TAF4B: variants seen among roughly 807,000 people sequenced by gnomAD.
TAF4B encodes TATA-box binding protein associated factor 4b.
In TAF4B, 38 loss-of-function variants were observed where a neutral mutation model predicts 86.4. The ratio of observed to expected loss-of-function variants is 0.44; its 90% CI spans 0.34 to 0.58. The LOEUF is 0.58. Ranked by LOEUF, TAF4B falls within the 20% of genes least tolerant of loss-of-function variation. TAF4B has a pLI of 0.02. For synonymous variants in TAF4B, 388 were observed against 391.2 expected (o/e 0.99, Z 0.10); for missense variants, 988 against 1,027.6 (o/e 0.96, Z 0.53).
intron 14 of TAF4B, among the ~76,000 whole-genome samples, chr18:26,383,983 C>G (rs1978308199): frequency 6.6e-6 from 1 of 152,144 alleles, no homozygotes; most frequent in African/African-American, 2.4e-5. Flanking sequence ...GTTCTTGTTA[C>G]ACTGGGTCAG....
intron 12 of TAF4B, among the ~76,000 whole-genome samples, chr18:26,329,206 C>T (rs1293652872): frequency 6.6e-6 from 1 of 151,992 alleles, no homozygotes; most frequent in African/African-American, 2.4e-5. Flanking sequence ...TACACGCACA[C>T]ACCACTACGC....
intron 3 of TAF4B, among the ~76,000 whole-genome samples, chr18:26,270,507 G>T (rs2056299176): frequency 6.6e-6 from 1 of 152,070 alleles, no homozygotes. Context: ...TAGAGATGAG[G>T]TCTTACTCTG....
intron 1 of TAF4B, among the ~76,000 whole-genome samples, chr18:26,255,419 C>T (rs1041158303): frequency 1.3e-5 from 2 of 151,840 alleles, no homozygotes; most frequent in African/African-American, 2.4e-5. Context: ...GCCTGGCCAA[C>T]GTGGTGAAAC....
At chr18:26,227,480 A>G (rs1248680462) in intron 1 of TAF4B, among the ~76,000 whole-genome samples, 1 of 152,210 alleles carries the variant, frequency 6.6e-6, no homozygotes, top group African/African-American at 2.4e-5. Context: ...CCTAAGTGAT[A>G]CAGTAAAAAG....
At position 26,226,780 on chromosome 18, in the gene TAF4B, GCCCGTCACTGACTTCGCTGCTGCGGCC is replaced by G. The variant is rs1490975165; in HGVS notation, c.-149_-123del. 3.7e-6 allele frequency: 2 copies of G among 534,196 alleles called. No homozygotes were observed. Among genetic ancestry groups the G allele is most frequent in the Non-Finnish European group, 6.0e-6 (2 of 333,626 alleles). 33.1% of individuals were successfully genotyped at this position (534,196 alleles called of 1,614,324 possible). On this transcript the variant is annotated 5_prime_UTR_variant, in exon 1 of 15. Coordinates refer to ENST00000269142, the MANE Select transcript of TAF4B (RefSeq NM_005640.3). ...GCGCGTGTCCTGCCGTGCAGCGGGC[GCCCGTCACTGACTTCGCTGCTGCGGCC>G]CCCGCGCCTCTCCCCAGCGATGCTG...
intron 9 of TAF4B, among the ~76,000 whole-genome samples, chr18:26,309,235 A>G (rs1417734128): frequency 1.4e-5 from 2 of 141,836 alleles, no homozygotes; most frequent in East Asian, 4.3e-4. Flanking sequence ...TAGGGAAAAA[A>G]CCTGACAGTA....
At chr18:26,289,001 A>G (rs1274923297) in intron 7 of TAF4B, among the ~76,000 whole-genome samples, 1 of 152,138 alleles carries the variant, frequency 6.6e-6, no homozygotes, top group Admixed American at 6.5e-5. Flanking sequence ...ATTTACACCT[A>G]CCTGTTTAAA....
intron 9 of TAF4B, 64 bp from the exon 10 acceptor site, chr18:26,315,143 TCTGTCTCTCTCTCTCTCTCACA>T: frequency 3.4e-6 from 1 of 293,676 alleles, no homozygotes. Context: ...TCTCTCTCTC[TCTGTCTCTCTCTCTCTCTCACA>T]CACACACACA....
chr18:26,281,358 C>G (rs950268312), intron 5 of TAF4B, among the ~76,000 whole-genome samples: 2 of 152,112 alleles, frequency 1.3e-5, no homozygotes, highest in Admixed American at 1.3e-4. Flanking sequence ...TTCTCTGTCA[C>G]CGCACAATTA....
At chr18:26,230,502 C>T (rs1026449975) in intron 1 of TAF4B, among the ~76,000 whole-genome samples, 10 of 152,114 alleles carry the variant, frequency 6.6e-5, no homozygotes, top group African/African-American at 2.4e-4. Flanking sequence ...CAGTGTTCAC[C>T]ATACACCATC....
intron 1 of TAF4B, among the ~76,000 whole-genome samples, chr18:26,262,066 T>A (rs888726282): frequency 1.3e-5 from 2 of 152,142 alleles, no homozygotes; most frequent in Non-Finnish European, 2.9e-5. Context: ...GGTGAGACAC[T>A]TGAGGTCCAA....
At chr18:26,359,019 G>T (rs570854207) in intron 14 of TAF4B, among the ~76,000 whole-genome samples, 6 of 152,252 alleles carry the variant, frequency 3.9e-5, no homozygotes, top group African/African-American at 1.2e-4. Flanking sequence ...CCAACCAGAT[G>T]TAACCACTGT....
At position 26,315,142 on chromosome 18, in the gene TAF4B, C is replaced by G. The variant is rs1046605201; in HGVS notation, c.1833-87C>G. 6.7e-3 allele frequency: 1,750 copies of G among 261,348 alleles called. 7 individuals carry two copies. The highest frequency in any genetic ancestry group is 0.011 in the Middle Eastern group (9 of 852). The allele number at this position is 261,348 out of a possible 1,614,324, so 16.2% of individuals were successfully genotyped here. Reference sequence around the variant, plus strand: ...TCTCTCTCTCTCTCTCTCTCTCTCTCTCTGTCTCTCTCTCTCTCTCACACA... The same window carrying G: ...TCTCTCTCTCTCTCTCTCTCTCTCTGTCTGTCTCTCTCTCTCTCTCACACA... On this transcript the variant is annotated intron_variant, in intron 9 of 14. Transcript: ENST00000269142.
chr18:26,283,929 C>T (rs561315765), intron 6 of TAF4B, among the ~76,000 whole-genome samples: 7 of 152,192 alleles, frequency 4.6e-5, no homozygotes, highest in African/African-American at 1.4e-4. Context: ...TGGCGCATGC[C>T]TATAGTCCCA....
chr18:26,270,111 T>C (rs992843409), intron 3 of TAF4B, among the ~76,000 whole-genome samples: 2 of 152,170 alleles, frequency 1.3e-5, no homozygotes, highest in Admixed American at 6.5e-5. Flanking sequence ...AGAGAAAACA[T>C]ACTTAGCAAC....
At chr18:26,246,894 A>G (rs1030886861) in intron 1 of TAF4B, among the ~76,000 whole-genome samples, 1 of 148,432 alleles carries the variant, frequency 6.7e-6, no homozygotes, top group Non-Finnish European at 1.5e-5. Context: ...CTTGTTGCCC[A>G]GGTTGGAGTG....
chr18:26,285,222 G>GTTTTTGTTTTTTTTTTGTT, intron 6 of TAF4B, among the ~76,000 whole-genome samples: 1 of 45,660 alleles, frequency 2.2e-5, no homozygotes, highest in Non-Finnish European at 4.5e-5. Context: ...TTTTTTTTTT[G>GTTTTTGTTTTTTTTTTGTT]TTTTTTTTTT....
intron 1 of TAF4B, among the ~76,000 whole-genome samples, chr18:26,236,084 A>G (rs1479729308): frequency 6.6e-6 from 1 of 152,170 alleles, no homozygotes; most frequent in African/African-American, 2.4e-5. Context: ...TCCAATGCCC[A>G]GACTTCAGGG....
chr18:26,306,924 C>T (rs1396580626), intron 9 of TAF4B, among the ~76,000 whole-genome samples: 1 of 151,988 alleles, frequency 6.6e-6, no homozygotes, highest in Non-Finnish European at 1.5e-5. Flanking sequence ...TCTACAGGCA[C>T]CCGCCACCAC....
Sources: allele counts gnomAD v4.1 joint callset (sites outside exome capture counted in the v4.1 genomes callset), GRCh38; gene constraint gnomAD v4.1.1; transcripts MANE v1.5; gene names NCBI Gene and HGNC (gene_info 2026-07-23, HGNC 2026-07-21).